ADGRL3: variants seen among roughly 807,000 people sequenced by gnomAD.
ADGRL3 encodes calcium-independent alpha-latrotoxin receptor 3.
In ADGRL3, 62 loss-of-function variants were observed where a neutral mutation model predicts 153.5. The ratio of observed to expected loss-of-function variants is 0.40; its 90% confidence interval spans 0.33 to 0.50. The LOEUF (loss-of-function observed/expected upper bound fraction) is 0.50. Ranked by LOEUF, ADGRL3 falls within the 20% of genes least tolerant of loss-of-function variation. The probability of loss-of-function intolerance (pLI) is 0.47; values close to 1 mark genes in which losing one functional copy is unlikely to be tolerated. For missense variants in ADGRL3, 1,641 were observed against 1,859.4 expected (o/e 0.88, Z 2.16); for synonymous variants, 710 against 672.5 (o/e 1.06, Z -0.86).
At chr4:62,016,061 C>CT (rs1478271108) in intron 21 of ADGRL3, among the ~76,000 whole-genome samples, 1 of 148,456 alleles carries the variant, frequency 6.7e-6, no homozygotes, top group Admixed American at 6.8e-5. Flanking sequence ...TTCTTTTTCT[C>CT]TTTTTTGAGA....
At chr4:61,380,671 T>A (rs1035895937) in intron 1 of ADGRL3, among the ~76,000 whole-genome samples, 1 of 152,050 alleles carries the variant, frequency 6.6e-6, no homozygotes, top group Non-Finnish European at 1.5e-5. Flanking sequence ...TTGCTTTTTA[T>A]GTCGCTTTCG....
Position 62,077,576 on chromosome 4 carries a change from G to T in ADGRL3, c.*6668G>T, listed in dbSNP as rs1165879398. On this transcript the variant is annotated 3_prime_UTR_variant, in exon 27 of 27. Coordinates refer to ENST00000683033, the MANE Select transcript of ADGRL3 (RefSeq NM_001387552.1). ...TTCAATGCTTTAACAGTAGGTAGAG[G>T]TCTTTGGGGTTGGAACTCAGGATAC... The T allele has an allele frequency of 2.6e-5, 4 of 151,946 alleles. No homozygotes were observed. Among genetic ancestry groups the T allele is most frequent in the African/African-American group, 4.8e-5 (2 of 41,416 alleles). 9.4% of individuals were successfully genotyped at this position (151,946 alleles called of 1,614,324 possible).
intron 6 of ADGRL3, among the ~76,000 whole-genome samples, chr4:61,714,554 C>G (rs1376635193): frequency 6.6e-6 from 1 of 152,190 alleles, no homozygotes; most frequent in Non-Finnish European, 1.5e-5. Flanking sequence ...TTCCCTAAGA[C>G]TTTCCTCCAT....
intron 17 of ADGRL3, among the ~76,000 whole-genome samples, chr4:61,970,987 TAATTTATGATTCAAATC>T (rs1189099487): frequency 6.6e-6 from 1 of 152,132 alleles, no homozygotes; most frequent in Non-Finnish European, 1.5e-5. Context: ...GGCTTCAGTT[TAATTTATGATTCAAATC>T]AATGTTTTAT....
intron 6 of ADGRL3, among the ~76,000 whole-genome samples, chr4:61,688,904 C>A (rs955840708): frequency 4.6e-5 from 7 of 152,188 alleles, no homozygotes; most frequent in Non-Finnish European, 8.8e-5. Flanking sequence ...CAGTTGCTTT[C>A]TTTAACCCCA....
intron 4 of ADGRL3, among the ~76,000 whole-genome samples, chr4:61,551,583 G>C (rs2098740666): frequency 6.6e-6 from 1 of 152,146 alleles, no homozygotes. Flanking sequence ...ATGAGAGTTG[G>C]ATGTGACTCC....
At chr4:61,325,170 G>A (rs955338769) in intron 1 of ADGRL3, among the ~76,000 whole-genome samples, 2 of 151,990 alleles carry the variant, frequency 1.3e-5, no homozygotes, top group Non-Finnish European at 2.9e-5. Flanking sequence ...AAATTAGCTG[G>A]GCGTGGTGGC....
At chr4:61,206,938 G>A (rs1035913619) in intron 1 of ADGRL3, among the ~76,000 whole-genome samples, 7 of 151,844 alleles carry the variant, frequency 4.6e-5, no homozygotes, top group South Asian at 4.2e-4. Context: ...AGCCAAGATC[G>A]TGTCACTGCA....
chr4:61,430,610 G>A (rs757668366), intron 2 of ADGRL3, among the ~76,000 whole-genome samples: 5 of 151,758 alleles, frequency 3.3e-5, no homozygotes, highest in Admixed American at 6.6e-5. Context: ...TTTTAACATC[G>A]GTTGTACTTA....
intron 1 of ADGRL3, among the ~76,000 whole-genome samples, chr4:61,277,958 A>G (rs2093551758): frequency 6.6e-6 from 1 of 152,222 alleles, no homozygotes; most frequent in African/African-American, 2.4e-5. Context: ...GAGGGAAGCC[A>G]GCCAAGATTT....
At chr4:61,701,408 T>C (rs2095755896) in intron 6 of ADGRL3, among the ~76,000 whole-genome samples, 1 of 149,776 alleles carries the variant, frequency 6.7e-6, no homozygotes, top group Middle Eastern at 3.5e-3. Context: ...TAATAAGATA[T>C]CAGAAGCACA....
chr4:61,544,119 T>C (rs1454827707), intron 4 of ADGRL3, among the ~76,000 whole-genome samples: 1 of 152,208 alleles, frequency 6.6e-6, no homozygotes, highest in African/African-American at 2.4e-5. Flanking sequence ...AGGAGTAGAT[T>C]ATACACATAG....
Position 61,892,913 on chromosome 4 carries a change from C to A in ADGRL3, c.1738C>A (p.Arg580Ser). Residue 580 changes from arginine to serine, a missense_variant, in exon 10 of 27, where the codon CGT (arginine) becomes AGT (serine). Physicochemically the swap from Arg to Ser is moderately radical, Grantham distance 110. This residue lies in a region of ADGRL3 where 734 missense variants were observed against 797.0 expected (regional missense o/e 0.92). Coordinates refer to ENST00000683033, the MANE Select transcript of ADGRL3 (RefSeq NM_001387552.1). ...EAREIMWFKT[R>S]QGQIAKQPCP... is the part of the protein sequence containing the mutation. The stretch of plus-strand genomic sequence containing the variant: ...CCGAGAAATCATGTGGTTTAAGACT[C>A]GTCAAGGACAGATAGCAAAGCAGCC... 1 of 1,557,966 alleles carries A rather than the reference C, an allele frequency of 6.4e-7. No individual in the cohort carries two copies. Among genetic ancestry groups the A allele is most frequent in the Non-Finnish European group, 8.6e-7 (1 of 1,157,186 alleles).
rs1747147075 is a variant in ADGRL3, at chr4:62,076,367, A to G, written c.*5459A>G. 6.6e-6 allele frequency: 1 copy of G among 152,044 alleles called. No individual in the cohort carries two copies. Among genetic ancestry groups the G allele is most frequent in the Non-Finnish European group, 1.5e-5 (1 of 67,952 alleles). The allele number at this position is 152,044 out of a possible 1,614,324, so 9.4% of individuals were successfully genotyped here. A position where few individuals can be genotyped will look rare whatever the true frequency, so the allele number is the denominator to read the frequency against. On this transcript the variant is annotated 3_prime_UTR_variant, in exon 27 of 27. Transcript: ENST00000683033. The stretch of plus-strand genomic sequence containing the variant: ...TAATTTTTAGGAAGGCTTGTGAAAG[A>G]ACTTTGATTTATGTGAAGAAATCAA...
At chr4:62,040,816 C>T (rs538655632) in intron 24 of ADGRL3, among the ~76,000 whole-genome samples, 1 of 152,024 alleles carries the variant, frequency 6.6e-6, no homozygotes, top group Non-Finnish European at 1.5e-5. Flanking sequence ...CAGGTGGCTA[C>T]TTGGATTAAA....
Position 61,420,048 on chromosome 4 carries a change from C to T in ADGRL3, c.-174+36859C>T, listed in dbSNP as rs955611228. Reference sequence around the variant, plus strand: ...AACTCCTGACCTCAGGTGATCCACCCACCTCGGCCTCCCAAAGTGCTGAGA... The same window carrying T: ...AACTCCTGACCTCAGGTGATCCACCTACCTCGGCCTCCCAAAGTGCTGAGA... On this transcript the variant is annotated intron_variant, in intron 2 of 26. Coordinates refer to ENST00000683033, the MANE Select transcript of ADGRL3 (RefSeq NM_001387552.1). 6.6e-5 allele frequency among the ~76,000 whole-genome samples: 10 copies of T among 152,120 alleles called. No homozygotes were observed. In the East Asian group the frequency reaches 1.6e-3, roughly 24 times the overall value.
intron 8 of ADGRL3, among the ~76,000 whole-genome samples, chr4:61,770,890 C>T (rs1026326531): frequency 2.6e-5 from 4 of 152,250 alleles, no homozygotes; most frequent in Middle Eastern, 3.4e-3. Context: ...AATGTTCTTT[C>T]TCTCTAAGTG....
chr4:61,324,519 T>C (rs992931461), intron 1 of ADGRL3, among the ~76,000 whole-genome samples: 3 of 152,184 alleles, frequency 2.0e-5, no homozygotes, highest in African/African-American at 7.2e-5. Flanking sequence ...AGCCCTATGA[T>C]TAAATGTAAT....
Position 61,516,360 on chromosome 4 carries a change from C to A in ADGRL3, c.56-955C>A, listed in dbSNP as rs921335936. Among the ~76,000 whole-genome samples, 5 of 70,290 alleles carry A rather than the reference C, an allele frequency of 7.1e-5. No homozygotes were observed. The South Asian group carries it at 3.1e-3, about 44-fold the overall frequency. 46.1% of individuals were successfully genotyped at this position (70,290 alleles called of 152,430 possible). On this transcript the variant is annotated intron_variant, in intron 3 of 26. Transcript: ENST00000683033. ...GTGTTTTTATACATGCATGTTATAA[C>A]CTGTTAAAAAATACTTGTGTGAAGC...
Sources: gnomAD v4.1 joint callset for allele counts (sites outside exome capture counted in the v4.1 genomes callset) on GRCh38, gnomAD v4.1.1 for gene constraint, gnomAD v4.1.1 regional missense constraint, MANE v1.5 for transcripts, NCBI Gene and HGNC (gene_info 2026-07-23, HGNC 2026-07-21) for gene names.